TAFA2: variants seen among roughly 807,000 people sequenced by gnomAD.
TAFA2 encodes chemokine-like protein TAFA-2.
TAFA2 carries 7 observed loss-of-function variants against 18.8 expected under a neutral mutation model. The ratio of observed to expected loss-of-function variants is 0.37; its 90% CI spans 0.21 to 0.70. The LOEUF (loss-of-function observed/expected upper bound fraction) is 0.70. Among genes scored for constraint, TAFA2 ranks in the 30% least tolerant of loss-of-function variants. The pLI is 0.53. For synonymous variants in TAFA2, 60 were observed against 54.2 expected (o/e 1.11, Z -0.47); for missense variants, 122 against 158.1 (o/e 0.77, Z 1.23).
intron 1 of TAFA2, among the ~76,000 whole-genome samples, chr12:62,075,528 C>T (rs1249893467): frequency 6.6e-6 from 1 of 152,196 alleles, no homozygotes; most frequent in African/African-American, 2.4e-5. Context: ...AGACTGGTCA[C>T]ATCAGACCTG....
intron 1 of TAFA2, among the ~76,000 whole-genome samples, chr12:62,138,102 G>A (rs950490893): frequency 2.6e-5 from 4 of 152,010 alleles, no homozygotes; most frequent in African/African-American, 9.7e-5. Context: ...CTTTATGAGG[G>A]CTTCCCCAGT....
chr12:61,945,152 T>C (rs1312111159), intron 1 of TAFA2, among the ~76,000 whole-genome samples: 1 of 115,940 alleles, frequency 8.6e-6, no homozygotes, highest in Non-Finnish European at 1.7e-5. Context: ...TGGTTCAATA[T>C]ATGCAAATCA....
intron 1 of TAFA2, among the ~76,000 whole-genome samples, chr12:62,147,748 A>G (rs966155559): frequency 1.9e-4 from 29 of 149,296 alleles, no homozygotes; most frequent in Admixed American, 2.7e-4. Context: ...AAAAAAAAAA[A>G]AAAGAAACCA....
intron 1 of TAFA2, among the ~76,000 whole-genome samples, chr12:62,022,946 C>A (rs1881194123): frequency 6.6e-6 from 1 of 152,112 alleles, no homozygotes; most frequent in Non-Finnish European, 1.5e-5. Flanking sequence ...GTCACTGTTT[C>A]CCCCTCTGCC....
intron 1 of TAFA2, among the ~76,000 whole-genome samples, chr12:62,087,148 A>G (rs567290661): frequency 6.6e-6 from 1 of 152,176 alleles, no homozygotes; most frequent in Admixed American, 6.6e-5. Flanking sequence ...GAAAGAGAGG[A>G]ATGGGAAGTT....
At chr12:62,118,928 CTTTTAA>C (rs1240061063) in intron 1 of TAFA2, among the ~76,000 whole-genome samples, 1 of 152,056 alleles carries the variant, frequency 6.6e-6, no homozygotes, top group Non-Finnish European at 1.5e-5. Flanking sequence ...TGAACTAAAG[CTTTTAA>C]TTTTAATATA....
intron 1 of TAFA2, among the ~76,000 whole-genome samples, chr12:62,152,593 T>G (rs1013182544): frequency 1.3e-5 from 2 of 152,236 alleles, no homozygotes; most frequent in Non-Finnish European, 2.9e-5. Flanking sequence ...CTTAAAGATG[T>G]GTGTTATGCT....
intron 1 of TAFA2, among the ~76,000 whole-genome samples, chr12:62,013,660 T>C (rs1421069250): frequency 1.3e-5 from 2 of 152,224 alleles, no homozygotes; most frequent in African/African-American, 2.4e-5. Flanking sequence ...TACAGAATCA[T>C]TTAATGAACT....
intron 2 of TAFA2, among the ~76,000 whole-genome samples, chr12:61,858,325 T>G (rs1873974871): frequency 6.6e-6 from 1 of 152,228 alleles, no homozygotes. Context: ...ACGATTGCAA[T>G]TTTCCTGACT....
chr12:62,197,517 A>G (rs2062653931), upstream of TAFA2, among the ~76,000 whole-genome samples: 2 of 152,198 alleles, frequency 1.3e-5, no homozygotes, highest in Non-Finnish European at 2.9e-5. Context: ...ATGAGTTTTG[A>G]CACATGGGTA....
At chr12:61,772,248 A>G (rs192808178) in intron 2 of TAFA2, among the ~76,000 whole-genome samples, 179 of 152,044 alleles carry the variant, frequency 1.2e-3, no homozygotes, top group Non-Finnish European at 1.9e-3. Flanking sequence ...AATTGCCAAG[A>G]AAAAACAAGT....
intron 1 of TAFA2, among the ~76,000 whole-genome samples, chr12:61,900,073 A>G (rs1876031469): frequency 6.6e-6 from 1 of 152,216 alleles, no homozygotes; most frequent in African/African-American, 2.4e-5. Context: ...AATCCATTGT[A>G]TGAATATAAC....
chr12:62,243,924 C>T (rs1474611429), intron 1 of TAFA2, among the ~76,000 whole-genome samples: 2 of 152,132 alleles, frequency 1.3e-5, no homozygotes, highest in Admixed American at 6.6e-5. Context: ...ACTACTCTAG[C>T]TCCCAGGGCA....
At chr12:62,128,010 CA>C (rs889252610) in intron 1 of TAFA2, among the ~76,000 whole-genome samples, 1 of 151,634 alleles carries the variant, frequency 6.6e-6, no homozygotes, top group African/African-American at 2.4e-5. Context: ...CCATGGGAGG[CA>C]CAATCAAGGC....
At chr12:62,112,116 T>C (rs779301002) in intron 1 of TAFA2, among the ~76,000 whole-genome samples, 9 of 152,342 alleles carry the variant, frequency 5.9e-5, no homozygotes, top group Middle Eastern at 6.8e-3. Context: ...GTTTTTGCAG[T>C]GGCTGGTACC....
intron 1 of TAFA2, among the ~76,000 whole-genome samples, chr12:61,869,406 A>G (rs1466238646): frequency 6.6e-6 from 1 of 152,234 alleles, no homozygotes; most frequent in African/African-American, 2.4e-5. Context: ...TAAATGCTCA[A>G]TAAACGCTAG....
intron 2 of TAFA2, among the ~76,000 whole-genome samples, chr12:61,767,333 T>C (rs183416805): frequency 3.4e-4 from 52 of 152,246 alleles, no homozygotes; most frequent in Non-Finnish European, 5.1e-4. Flanking sequence ...AAATGTATTG[T>C]ACAGTGTGAT....
intron 1 of TAFA2, among the ~76,000 whole-genome samples, chr12:61,962,622 C>A (rs1347089077): frequency 6.6e-6 from 1 of 151,768 alleles, no homozygotes; most frequent in Non-Finnish European, 1.5e-5. Flanking sequence ...TTTTCAAAGC[C>A]AAGAAAGAGA....
chr12:61,738,290 AACACACACAC>A lies in TAFA2; in HGVS notation c.384+15322_384+15331del, dbSNP rs369001355. ...TACAAAAACTTAAAATGAAAATGAA[AACACACACAC>A]ACACACACACACACACACACACACA... On this transcript the variant is annotated intron_variant, in intron 4 of 4. Transcript: ENST00000416284. Among the ~76,000 whole-genome samples, 364 of 124,622 alleles carry A rather than the reference AACACACACAC, an allele frequency of 2.9e-3. 3 individuals are homozygous for A. Among genetic ancestry groups the A allele is most frequent in the African/African-American group, 9.2e-3 (323 of 35,044 alleles). The allele number at this position is 124,622 out of a possible 152,430, so 81.8% of individuals were successfully genotyped here. A position where few individuals can be genotyped will look rare whatever the true frequency, so the allele number is the denominator to read the frequency against.
Sources: allele counts gnomAD v4.1 joint callset (sites outside exome capture counted in the v4.1 genomes callset), GRCh38; gene constraint gnomAD v4.1.1; transcripts MANE v1.5; gene names NCBI Gene and HGNC (gene_info 2026-07-23, HGNC 2026-07-21).